FAM131A: variants seen among roughly 807,000 people sequenced by gnomAD.
The protein encoded by FAM131A is protein FAM131A.
A neutral mutation model predicts 39.2 loss-of-function variants in FAM131A; 24 were observed. The ratio of observed to expected loss-of-function variants is 0.61; its 90% CI spans 0.44 to 0.86. The LOEUF is 0.86. Among genes scored for constraint, FAM131A ranks in the 40% least tolerant of loss-of-function variants. FAM131A has a pLI of 0.00. For synonymous variants in FAM131A, 202 were observed against 206.8 expected (o/e 0.98, Z 0.20); for missense variants, 373 against 481.2 (o/e 0.78, Z 2.10).
chr3:184,341,606 T>C, intron 2 of FAM131A, 118 bp from the exon 3 acceptor site: 2 of 741,418 alleles, frequency 2.7e-6, no homozygotes, highest in South Asian at 1.6e-5. Flanking sequence ...CACTGGGACA[T>C]ATGTGGTGTT....
chr3:184,345,118 A>G lies in FAM131A; in HGVS notation c.*148A>G. On this transcript the variant is annotated 3_prime_UTR_variant, in exon 6 of 6. Coordinates refer to ENST00000383847, the MANE Select transcript of FAM131A (RefSeq NM_144635.5). ...CTCGCTTCTCCGTTGTGTGTTTTGC[A>G]TGAAAGTGTTTGGAGAGGAGGCAGG... 1 of 803,106 alleles carries G rather than the reference A, an allele frequency of 1.2e-6. No individual in the cohort carries two copies. Among genetic ancestry groups the G allele is most frequent in the Non-Finnish European group, 1.9e-6 (1 of 528,832 alleles). 49.7% of individuals were successfully genotyped at this position (803,106 alleles called of 1,614,324 possible). A position where few individuals can be genotyped will look rare whatever the true frequency, so the allele number is the denominator to read the frequency against.
rs115148262 is a variant in FAM131A at position 184,338,487 on chromosome 3, G to T, written c.189G>T (p.Arg63Ser). Residue 63 changes from arginine (R) to serine (S), a missense_variant, in exon 2 of 6, where the codon AGG becomes AGT. Physicochemically the swap from Arg to Ser is moderately radical, Grantham distance 110. This residue lies in a region of FAM131A where 221 missense variants were observed against 347.7 expected (regional missense o/e 0.64). Coordinates refer to ENST00000383847, the MANE Select transcript of FAM131A (RefSeq NM_144635.5). Reference protein sequence around the residue: ...GSARTLRGWSRSSRPSSVDSQ... With the variant: ...GSARTLRGWSSSSRPSSVDSQ... ...CTCGAACCCTCCGAGGCTGGAGCAG[G>T]TCCTCCCGCCCTTCCTCGGTGGACA... 36,986 of 1,536,334 alleles carry T rather than the reference G, an allele frequency of 0.024. 544 individuals are homozygous for T. Among genetic ancestry groups the T allele is most frequent in the Middle Eastern group, 0.028 (169 of 5,984 alleles).
Position 184,342,398 on chromosome 3 carries a change from C to A in FAM131A, c.508+150C>A. 1.0e-6 allele frequency: 1 copy of A among 990,556 alleles called. No individual in the cohort carries two copies. Among genetic ancestry groups the A allele is most frequent in the Admixed American group, 3.0e-5 (1 of 33,156 alleles). The allele number at this position is 990,556 out of a possible 1,614,324, so 61.4% of individuals were successfully genotyped here. A position where few individuals can be genotyped will look rare whatever the true frequency, so the allele number is the denominator to read the frequency against. ...TCTCAGCTCACTGCAACCTCTGCCA[C>A]CCCAGTTCAAGCGATTCTCCTGCCT... On this transcript the variant is annotated intron_variant, in intron 4 of 5. Transcript: ENST00000383847. This position sits in a 1 kb window ranked among gnomAD's most constrained non-coding sequence, Gnocchi z 4.6.
chr3:184,341,639 C>G (rs890561216), intron 2 of FAM131A, 85 bp from the exon 3 acceptor site: 19 of 1,123,498 alleles, frequency 1.7e-5, no homozygotes, highest in Non-Finnish European at 2.2e-5. Flanking sequence ...CTGTCTCCTC[C>G]TCATGCCTTT....
upstream of FAM131A, chr3:184,337,239 G>A (rs577319786): frequency 5.2e-6 from 1 of 192,062 alleles, no homozygotes; most frequent in Non-Finnish European, 1.1e-5. Flanking sequence ...GACTGGCCTC[G>A]AGAGCCCTGG....
At chr3:184,336,237 C>T (rs1727080068), upstream of FAM131A, 1 of 152,502 alleles carries the variant, frequency 6.6e-6, no homozygotes. The surrounding 1 kb of genome is among the most constrained non-coding windows in gnomAD (Gnocchi z 5.5). Context: ...AGGGAGGAGC[C>T]TGCACCGGGA....
Position 184,344,867 on chromosome 3 carries a change from C to T in FAM131A, c.998C>T (p.Pro333Leu), listed in dbSNP as rs1371753887. 2 of 1,611,244 alleles carry T rather than the reference C, an allele frequency of 1.2e-6. No homozygotes were observed. The highest frequency in any genetic ancestry group is 1.7e-6 in the Non-Finnish European group (2 of 1,179,890). ...APCKDCQPLC[P>L]PLTGSWERQR... ...TGCAAGGACTGCCAGCCACTCTGCC[C>T]ACCACTAACGGGCAGCTGGGAACGG... Residue 333 changes from proline to leucine, a missense_variant, in exon 6 of 6, where the codon CCA (proline) becomes CTA (leucine). Physicochemically the swap from Pro to Leu is moderately conservative, Grantham distance 98. Coordinates refer to ENST00000383847, the MANE Select transcript of FAM131A (RefSeq NM_144635.5).
At position 184,342,203 on chromosome 3, in the gene FAM131A, T is replaced by G. The variant is rs1471461389; in HGVS notation, c.463T>G (p.Tyr155Asp). Reference protein sequence around the residue: ...PAALESAFSSYSDLSEGEQEA... With the variant: ...PAALESAFSSDSDLSEGEQEA... ...TGCCCTGGAATCAGCCTTTTCCTCC[T>G]ATTCAGACCTCAGCGAGGGCGAACA... The change falls in exon 4 of 6, where the codon TAT becomes GAT. Residue 155 changes from tyrosine (Y) to aspartate (D), a missense_variant. By Grantham distance (160) the Tyr-to-Asp change is radical (BLOSUM62 -3). This residue lies in a region of FAM131A where 221 missense variants were observed against 347.7 expected (regional missense o/e 0.64). Coordinates refer to ENST00000383847, the MANE Select transcript of FAM131A (RefSeq NM_144635.5). The surrounding 1 kb of genome is among the most constrained non-coding windows in gnomAD (Gnocchi z 4.6). 1 of 1,613,792 alleles carries G rather than the reference T, an allele frequency of 6.2e-7. No individual in the cohort carries two copies. Among genetic ancestry groups the G allele is most frequent in the Non-Finnish European group, 8.5e-7 (1 of 1,179,782 alleles).
In FAM131A at chr3:184,342,738, C is replaced by A. The variant is rs200132624; in HGVS notation, c.509-6C>A. ...TCTCTGCTTATGCATTCTGTCCCTG[C>A]GACAGGAGTGGCTGAGCAGTTTGCC... On this transcript the variant is annotated splice_polypyrimidine_tract_variant and splice_region_variant and intron_variant, in intron 4 of 5. Coordinates refer to ENST00000383847, the MANE Select transcript of FAM131A (RefSeq NM_144635.5). This position sits in a 1 kb window ranked among gnomAD's most constrained non-coding sequence, Gnocchi z 4.6. 2 of 1,611,706 alleles carry A rather than the reference C, an allele frequency of 1.2e-6. No individual in the cohort carries two copies. The highest frequency in any genetic ancestry group is 2.2e-5 in the South Asian group (2 of 90,992).
In FAM131A at chr3:184,338,375, C is replaced by G; in HGVS notation, c.89-12C>G. On this transcript the variant is annotated splice_polypyrimidine_tract_variant and intron_variant, in intron 1 of 5. Transcript: ENST00000383847. ...AGGGGCACAGCTCAACAGCCTTTCC[C>G]CTTCCTCTCAGTGTCCTCGGACCCC... 5 of 1,432,460 alleles carry G rather than the reference C, an allele frequency of 3.5e-6. No individual in the cohort carries two copies. Among genetic ancestry groups the G allele is most frequent in the South Asian group, 1.5e-5 (1 of 67,682 alleles). The allele number at this position is 1,432,460 out of a possible 1,614,324, so 88.7% of individuals were successfully genotyped here. A position where few individuals can be genotyped will look rare whatever the true frequency, so the allele number is the denominator to read the frequency against.
In FAM131A at chr3:184,345,610, T is replaced by C; in HGVS notation, c.*640T>C. 1 of 702,686 alleles carries C rather than the reference T, an allele frequency of 1.4e-6. No individual in the cohort carries two copies. The highest frequency in any genetic ancestry group is 2.6e-6 in the Non-Finnish European group (1 of 384,804). The allele number at this position is 702,686 out of a possible 1,614,324, so 43.5% of individuals were successfully genotyped here. A position where few individuals can be genotyped will look rare whatever the true frequency, so the allele number is the denominator to read the frequency against. ...CTGTTTTTTCAGTCGGATCTTCTCT[T>C]CTCTGGGAGGCTTTGGAATGATGAA... On this transcript the variant is annotated 3_prime_UTR_variant, in exon 6 of 6. Coordinates refer to ENST00000383847, the MANE Select transcript of FAM131A (RefSeq NM_144635.5).
In FAM131A at chr3:184,342,302, C is replaced by T. The variant is rs1727420574; in HGVS notation, c.508+54C>T. On this transcript the variant is annotated intron_variant, in intron 4 of 5. Transcript: ENST00000383847. This position sits in a 1 kb window ranked among gnomAD's most constrained non-coding sequence, Gnocchi z 4.6. ...CTCTTGGCACAGGGCTGCTTTCTTT[C>T]TTTATTTTATTTAATTTTTTTTTGA... The T allele has an allele frequency of 1.3e-6, 2 of 1,503,582 alleles. No homozygotes were observed. The highest frequency in any genetic ancestry group is 1.4e-5 in the African/African-American group (1 of 71,286). The allele number at this position is 1,503,582 out of a possible 1,614,324, so 93.1% of individuals were successfully genotyped here. A position where few individuals can be genotyped will look rare whatever the true frequency, so the allele number is the denominator to read the frequency against.
At chr3:184,337,865 C>T in intron 1 of FAM131A, 147 bp downstream of exon 1, 2 of 723,224 alleles carry the variant, frequency 2.8e-6, no homozygotes, top group Non-Finnish European at 4.5e-6. Context: ...GACAGGGCAT[C>T]AGGAAACGGC....
chr3:184,343,004 G>C, intron 5 of FAM131A, 144 bp downstream of exon 5: 4 of 620,404 alleles, frequency 6.4e-6, no homozygotes, highest in Non-Finnish European at 8.6e-6. Flanking sequence ...GACACTCCAG[G>C]GACAGGAAGG....
intron 3 of FAM131A, 117 bp from the exon 4 acceptor site, chr3:184,341,949 C>T (rs978267365): frequency 1.9e-5 from 29 of 1,496,760 alleles, no homozygotes; most frequent in Non-Finnish European, 2.6e-5. Context: ...AATCTCAGCC[C>T]CTTCTCCCAC....
chr3:184,344,982 CCTGGCAGTGGCA>C lies in FAM131A; in HGVS notation c.*13_*24del. On this transcript the variant is annotated 3_prime_UTR_variant, in exon 6 of 6. Transcript: ENST00000383847. ...CAGAGGAACAGTGACCCACATCATG[CCTGGCAGTGGCA>C]TGCATCCCCCGGCTGCTGCCAGGGG... is the stretch of plus-strand genomic sequence containing the variant. 1 of 1,518,500 alleles carries C rather than the reference CCTGGCAGTGGCA, an allele frequency of 6.6e-7. No individual in the cohort carries two copies. Among genetic ancestry groups the C allele is most frequent in the Non-Finnish European group, 8.8e-7 (1 of 1,134,900 alleles). 94.1% of individuals were successfully genotyped at this position (1,518,500 alleles called of 1,614,324 possible).
rs1727412681 is a variant in FAM131A at position 184,342,109 on chromosome 3, C to T, written c.369C>T (p.Ala123=). The change falls in exon 4 of 6, where the codon GCC becomes GCT. Residue 123 remains alanine, a synonymous_variant. Transcript: ENST00000383847. The surrounding 1 kb of genome is among the most constrained non-coding windows in gnomAD (Gnocchi z 4.6). The part of the protein sequence containing the change: ...VVKDHVTKPT[A]MAQGRVAHLI... ...AGGACCACGTGACCAAGCCTACCGC[C>T]ATGGCCCAGGGCCGAGTGGCTCACC... is the stretch of plus-strand genomic sequence containing the variant. 6.2e-7 allele frequency: 1 copy of T among 1,614,236 alleles called. No individual in the cohort carries two copies. The highest frequency in any genetic ancestry group is 8.5e-7 in the Non-Finnish European group (1 of 1,180,044).
intron 5 of FAM131A, chr3:184,343,121 TCAAA>T: frequency 3.4e-5 from 1 of 29,778 alleles, no homozygotes; most frequent in Non-Finnish European, 5.5e-5. Flanking sequence ...CTTGCAGTCC[TCAAA>T]AAAAAAAAAA....
upstream of FAM131A, chr3:184,337,555 C>T (rs1727176011): frequency 1.4e-6 from 2 of 1,409,040 alleles, no homozygotes; most frequent in Admixed American, 4.0e-5. Context: ...GCATCCGGAG[C>T]CAAAACAGGA....
Sources: gnomAD v4.1 joint callset for allele counts on GRCh38, gnomAD v4.1.1 for gene constraint, gnomAD v4.1.1 regional missense constraint, Gnocchi (gnomAD v3.1) non-coding constraint, MANE v1.5 for transcripts, NCBI Gene and HGNC (gene_info 2026-07-23, HGNC 2026-07-21) for gene names.